IMMP2L: variants seen among roughly 807,000 people sequenced by gnomAD.
The protein encoded by IMMP2L is mitochondrial inner membrane protease subunit 2.
IMMP2L carries 18 observed loss-of-function variants against 19.3 expected under a neutral mutation model. That is an observed-to-expected ratio of 0.93 (90% confidence interval 0.64 to 1.38). The LOEUF is 1.38. Ranked by LOEUF, IMMP2L falls within the 40% of genes most tolerant of loss-of-function variation. IMMP2L has a pLI of 0.00. For missense variants in IMMP2L, 233 were observed against 218.2 expected (o/e 1.07, Z -0.43); for synonymous variants, 76 against 73.0 (o/e 1.04, Z -0.21).
intron 3 of IMMP2L, among the ~76,000 whole-genome samples, chr7:111,446,788 C>A (rs1338291855): frequency 6.6e-6 from 1 of 151,898 alleles, no homozygotes; most frequent in African/African-American, 2.4e-5. Context: ...AAAGCAAAGG[C>A]AAAGAAGTTG....
intron 3 of IMMP2L, among the ~76,000 whole-genome samples, chr7:111,357,977 A>T (rs780666548): frequency 6.6e-6 from 1 of 151,876 alleles, no homozygotes; most frequent in Non-Finnish European, 1.5e-5. Context: ...ACAGCAAGCC[A>T]AGGTTTTCAC....
At chr7:111,494,946 T>A (rs536701930) in intron 2 of IMMP2L, among the ~76,000 whole-genome samples, 10 of 152,266 alleles carry the variant, frequency 6.6e-5, no homozygotes, top group African/African-American at 2.4e-4. Context: ...CTAAATTCTT[T>A]GTTGATTGTT....
intron 5 of IMMP2L, among the ~76,000 whole-genome samples, chr7:110,690,417 AT>A (rs1207731979): frequency 6.6e-6 from 1 of 152,120 alleles, no homozygotes; most frequent in African/African-American, 2.4e-5. Context: ...CTTGCAATTA[AT>A]TTTTTTAAAA....
At chr7:111,397,454 G>GA (rs1239547351) in intron 3 of IMMP2L, among the ~76,000 whole-genome samples, 1 of 151,972 alleles carries the variant, frequency 6.6e-6, no homozygotes, top group African/African-American at 2.4e-5. Context: ...TTATGTCTTG[G>GA]AAAAAAATTC....
chr7:111,409,118 T>C (rs1464518035), intron 3 of IMMP2L, among the ~76,000 whole-genome samples: 2 of 151,810 alleles, frequency 1.3e-5, no homozygotes, highest in Non-Finnish European at 2.9e-5. Context: ...TAAGAAACTT[T>C]GTAATTAATT....
chr7:111,445,847 C>G (rs10275830), intron 3 of IMMP2L, among the ~76,000 whole-genome samples: 1 of 152,086 alleles, frequency 6.6e-6, no homozygotes, highest in Non-Finnish European at 1.5e-5. Context: ...CCAGTGGGTG[C>G]GCGCACCGTG....
intron 5 of IMMP2L, among the ~76,000 whole-genome samples, chr7:110,674,117 A>G (rs139317501): frequency 1.3e-5 from 2 of 152,202 alleles, no homozygotes; most frequent in African/African-American, 4.8e-5. Flanking sequence ...ATGGCTGGAG[A>G]GGCCTCAGGA....
At chr7:111,077,879 C>A (rs1449513802) in intron 3 of IMMP2L, among the ~76,000 whole-genome samples, 1 of 152,124 alleles carries the variant, frequency 6.6e-6, no homozygotes, top group African/African-American at 2.4e-5. Context: ...ATGCCAAGGA[C>A]CTTTGTGCAC....
chr7:111,313,308 C>T (rs538146194), intron 3 of IMMP2L, among the ~76,000 whole-genome samples: 1 of 152,102 alleles, frequency 6.6e-6, no homozygotes, highest in South Asian at 2.1e-4. Context: ...TTTGGCTGTA[C>T]CTAATAGAAA....
intron 3 of IMMP2L, among the ~76,000 whole-genome samples, chr7:111,347,790 A>G (rs1487439632): frequency 3.3e-5 from 5 of 152,048 alleles, no homozygotes; most frequent in Non-Finnish European, 5.9e-5. Flanking sequence ...CTTCTACTCA[A>G]TCTTTCAAGG....
At position 111,539,262 on chromosome 7, in the gene IMMP2L, GAAAGAAAGA is replaced by G. The variant is rs1563331524; in HGVS notation, c.-2-17822_-2-17814del. Among the ~76,000 whole-genome samples, 184 of 141,452 alleles carry G rather than the reference GAAAGAAAGA, an allele frequency of 1.3e-3. 1 individual carries two copies. Among genetic ancestry groups the G allele is most frequent in the Middle Eastern group, 4.0e-3 (1 of 248 alleles). The allele number at this position is 141,452 out of a possible 152,430, so 92.8% of individuals were successfully genotyped here. A position where few individuals can be genotyped will look rare whatever the true frequency, so the allele number is the denominator to read the frequency against. On this transcript the variant is annotated intron_variant, in intron 1 of 5. Coordinates refer to ENST00000405709, the MANE Select transcript of IMMP2L (RefSeq NM_032549.4). ...AGAAAGAAAGAAAGAAAGAAAGAAA[GAAAGAAAGA>G]GAACATACGTCGATTACTACATATA...
chr7:111,233,847 T>C (rs985715653), intron 3 of IMMP2L, among the ~76,000 whole-genome samples: 1 of 152,062 alleles, frequency 6.6e-6, no homozygotes, highest in Non-Finnish European at 1.5e-5. Context: ...CTAATGAAAG[T>C]CCAAATGTAA....
intron 1 of IMMP2L, among the ~76,000 whole-genome samples, chr7:111,530,076 A>G (rs1281377292): frequency 6.6e-6 from 1 of 152,194 alleles, no homozygotes; most frequent in Non-Finnish European, 1.5e-5. Context: ...AGGGAAAGTC[A>G]GTGAAAACCT....
rs1018357293 is a variant in IMMP2L at position 111,416,597 on chromosome 7, T to A, written c.239+70641A>T. Among the ~76,000 whole-genome samples the A allele has an allele frequency of 7.9e-5, 12 of 151,866 alleles. 1 individual carries two copies. Among genetic ancestry groups the A allele is most frequent in the African/African-American group, 2.9e-4 (12 of 41,184 alleles). ...ACTTCATGTAAAAAGTTTTAACCCC[T>A]GCTTTGAAAACACATATTTTAGCCC... On this transcript the variant is annotated intron_variant, in intron 3 of 5. Transcript: ENST00000405709.
intron 5 of IMMP2L, among the ~76,000 whole-genome samples, chr7:110,793,564 A>G (rs1209003215): frequency 2.0e-5 from 3 of 152,136 alleles, no homozygotes; most frequent in Admixed American, 6.6e-5. Context: ...AATCAACAAA[A>G]ATGCACAATG....
At chr7:111,051,157 AC>A (rs1255427032) in intron 3 of IMMP2L, among the ~76,000 whole-genome samples, 2 of 152,090 alleles carry the variant, frequency 1.3e-5, no homozygotes, top group South Asian at 2.1e-4. Flanking sequence ...AAATAAACAA[AC>A]TTTTTTTTAT....
chr7:111,005,025 C>T (rs187443701), intron 3 of IMMP2L, among the ~76,000 whole-genome samples: 1 of 152,234 alleles, frequency 6.6e-6, no homozygotes, highest in Non-Finnish European at 1.5e-5. Flanking sequence ...AAGTTATGAA[C>T]TACTCAGGAG....
intron 5 of IMMP2L, among the ~76,000 whole-genome samples, chr7:110,860,211 C>T (rs1056906729): frequency 1.3e-5 from 2 of 151,962 alleles, no homozygotes; most frequent in Admixed American, 6.6e-5. Flanking sequence ...GAGGAAAATA[C>T]AAGATAATTA....
In IMMP2L at chr7:110,792,374, T is replaced by C. The variant is rs578103896; in HGVS notation, c.408+94219A>G. The stretch of plus-strand genomic sequence containing the variant: ...TTCTCTAAGTCTTATTCAGTACTAG[T>C]TTAGAAATTAAAATCTGTATGAAAT... On this transcript the variant is annotated intron_variant, in intron 5 of 5. Transcript: ENST00000405709. Among the ~76,000 whole-genome samples, 43 of 149,602 alleles carry C rather than the reference T, an allele frequency of 2.9e-4. 1 individual carries two copies. Among genetic ancestry groups the C allele is most frequent in the African/African-American group, 1.1e-3 (41 of 39,034 alleles).
Sources: allele counts gnomAD v4.1 joint callset (sites outside exome capture counted in the v4.1 genomes callset), GRCh38; gene constraint gnomAD v4.1.1; transcripts MANE v1.5; gene names NCBI Gene and HGNC (gene_info 2026-07-23, HGNC 2026-07-21).